FCN2: variants seen among roughly 807,000 people sequenced by gnomAD.
The protein encoded by FCN2 is ficolin 2, also known as ficolin-2.
A neutral mutation model predicts 32.5 loss-of-function variants in FCN2; 31 were observed. The ratio of observed to expected loss-of-function variants is 0.96; its 90% CI spans 0.72 to 1.29. FCN2 has a LOEUF of 1.29. Among genes scored for constraint, FCN2 ranks in the 50% most tolerant of loss-of-function variants. The pLI is 0.00. For missense variants in FCN2, 412 were observed against 406.5 expected (o/e 1.01, Z -0.12); for synonymous variants, 181 against 164.5 (o/e 1.10, Z -0.77).
At chr9:134,866,084 A>G in the FCN2 span, among the ~76,000 whole-genome samples, 7 of 151,282 alleles carry the variant, frequency 4.6e-5, no homozygotes, top group Middle Eastern at 3.5e-3. Context: ...TACAGATTCA[A>G]TGCCATCCCC....
upstream of FCN2, among the ~76,000 whole-genome samples, chr9:134,878,331 C>T (rs79413243): frequency 5.9e-5 from 9 of 152,264 alleles, no homozygotes; most frequent in East Asian, 3.9e-4. Context: ...ATGTGCCTTG[C>T]GGGAACTTCT....
chr9:134,872,383 A>G, the FCN2 span, among the ~76,000 whole-genome samples: 2 of 152,226 alleles, frequency 1.3e-5, no homozygotes, highest in Non-Finnish European at 2.9e-5. Flanking sequence ...CCAGGCTGCT[A>G]TGAATCTCTG....
rs373206026 is a variant in FCN2, at chr9:134,882,539, G to A, written c.114G>A (p.Val38=). 6.2e-7 allele frequency: 1 copy of A among 1,614,138 alleles called. No individual in the cohort carries two copies. The highest frequency in any genetic ancestry group is 2.2e-5 in the East Asian group (1 of 44,876). The part of the protein sequence containing the change: ...AADTCPEVKM[V]GLEGSDKLTI... ...GTTTTTCTGCAGAGGTGAAGATGGT[G>A]GGCCTGGAGGGCTCTGACAAGCTCA... is the stretch of plus-strand genomic sequence containing the variant. The change falls in exon 2 of 8, where the codon GTG becomes GTA. Residue 38 remains valine (V), a synonymous_variant. Coordinates refer to ENST00000291744, the MANE Select transcript of FCN2 (RefSeq NM_004108.3).
At chr9:134,869,111 C>T in the FCN2 span, among the ~76,000 whole-genome samples, 15 of 152,202 alleles carry the variant, frequency 9.9e-5, no homozygotes, top group African/African-American at 2.2e-4. Flanking sequence ...CACCTGACCC[C>T]GGCCGCCTGG....
chr9:134,868,319 G>A, the FCN2 span: 2 of 154,080 alleles, frequency 1.3e-5, no homozygotes, highest in Non-Finnish European at 2.9e-5. The surrounding 1 kb of genome is among the most constrained non-coding windows in gnomAD (Gnocchi z 4.3). Context: ...TGCACTATCA[G>A]GGAGCCTGGT....
Position 134,887,186 on chromosome 9 carries a change from A to C in FCN2, c.713A>C (p.His238Pro). ...TGCACAGGAGATTCCCTGACGTTCC[A>C]CAACAACCAGTCCTTCTCCACCAAA... is the stretch of plus-strand genomic sequence containing the variant. ...EGSAGDSLTFHNNQSFSTKDQ... is the reference protein window; with the variant it reads ...EGSAGDSLTFPNNQSFSTKDQ... Residue 238 changes from histidine (H) to proline (P), a missense_variant, in exon 8 of 8, where the codon CAC becomes CCC. Physicochemically the swap from His to Pro is moderately conservative, Grantham distance 77. Transcript: ENST00000291744. 6.2e-7 allele frequency: 1 copy of C among 1,614,164 alleles called. No individual in the cohort carries two copies. The highest frequency in any genetic ancestry group is 8.5e-7 in the Non-Finnish European group (1 of 1,180,000).
At chr9:134,886,004 T>C (rs1266442712) in intron 6 of FCN2, 107 bp downstream of exon 6, 2 of 1,214,268 alleles carry the variant, frequency 1.6e-6, no homozygotes, top group East Asian at 2.4e-5. Flanking sequence ...CCACAGGGGA[T>C]TGGGCCCTGA....
chr9:134,878,453 A>G (rs905408120), upstream of FCN2, among the ~76,000 whole-genome samples: 35 of 152,200 alleles, frequency 2.3e-4, no homozygotes, highest in African/African-American at 8.2e-4. Flanking sequence ...TTTGTGTGTT[A>G]TCATCTGTGG....
chr9:134,871,862 G>A, the FCN2 span, among the ~76,000 whole-genome samples: 8 of 152,296 alleles, frequency 5.3e-5, no homozygotes, highest in South Asian at 4.1e-4. Flanking sequence ...GGATGCACCC[G>A]TGAAACCAGC....
intron 5 of FCN2, 63 bp downstream of exon 5, chr9:134,885,429 G>A: frequency 1.3e-6 from 2 of 1,593,826 alleles, no homozygotes; most frequent in Admixed American, 1.7e-5. Flanking sequence ...CTGCACACCT[G>A]GTGGGAGAAC....
At position 134,882,385 on chromosome 9, in the gene FCN2, G is replaced by C. The variant is rs939833003; in HGVS notation, c.101-141G>C. The C allele has an allele frequency of 5.5e-6, 4 of 726,738 alleles. No homozygotes were observed. The African/African-American group carries it at 6.9e-5, about 13-fold the overall frequency. 45.0% of individuals were successfully genotyped at this position (726,738 alleles called of 1,614,324 possible). A position where few individuals can be genotyped will look rare whatever the true frequency, so the allele number is the denominator to read the frequency against. ...CTTCCAGGTGACCCTCCAGCTGAGG[G>C]AGGTGGCTGTGGCTATAGCCATCTG... On this transcript the variant is annotated intron_variant, in intron 1 of 7. Transcript: ENST00000291744.
upstream of FCN2, among the ~76,000 whole-genome samples, chr9:134,880,469 C>T (rs1830646367): frequency 6.6e-6 from 1 of 152,210 alleles, no homozygotes; most frequent in African/African-American, 2.4e-5. Flanking sequence ...TGAAGCAGAA[C>T]ATCTTTAGCA....
the FCN2 span, among the ~76,000 whole-genome samples, chr9:134,869,743 C>G: frequency 2.0e-5 from 3 of 152,236 alleles, no homozygotes; most frequent in African/African-American, 7.2e-5. Flanking sequence ...TAGCAGAGGC[C>G]TCCGAGGGGC....
chr9:134,881,009 C>T (rs1258696513), intron 1 of FCN2, 88 bp downstream of exon 1: 4 of 930,624 alleles, frequency 4.3e-6, no homozygotes, highest in Non-Finnish European at 6.9e-6. Flanking sequence ...GCTTCCAGGC[C>T]TTGCACCAGG....
At chr9:134,885,695 T>G (rs1463051161) in intron 5 of FCN2, 73 bp from the exon 6 acceptor site, 1 of 1,605,682 alleles carries the variant, frequency 6.2e-7, no homozygotes, top group Non-Finnish European at 8.5e-7. Context: ...GCTGCTCCTC[T>G]GGAGGGCGGG....
At chr9:134,870,697 G>C in the FCN2 span, among the ~76,000 whole-genome samples, 15 of 152,288 alleles carry the variant, frequency 9.8e-5, no homozygotes, top group East Asian at 2.9e-3. This position sits in a 1 kb window ranked among gnomAD's most constrained non-coding sequence, Gnocchi z 4.3. Flanking sequence ...TGAAGGAAGG[G>C]GGACACGGAG....
upstream of FCN2, among the ~76,000 whole-genome samples, chr9:134,876,344 G>A (rs1217403680): frequency 1.3e-5 from 2 of 152,160 alleles, no homozygotes; most frequent in African/African-American, 2.4e-5. Context: ...GGGAAGAATT[G>A]CTATTATTTC....
chr9:134,883,315 C>T lies in FCN2; in HGVS notation c.228C>T (p.Pro76=). The T allele has an allele frequency of 1.2e-6, 2 of 1,613,580 alleles. No homozygotes were observed. Among genetic ancestry groups the T allele is most frequent in the Non-Finnish European group, 1.7e-6 (2 of 1,179,564 alleles). The change falls in exon 3 of 8, where the codon CCC becomes CCT. Residue 76 remains proline (P), a synonymous_variant. Coordinates refer to ENST00000291744, the MANE Select transcript of FCN2 (RefSeq NM_004108.3). Reference sequence around the variant, plus strand: ...TGGAAATTGCAGGAGAACGTGGCCCCCCTGGACCTCCTGGGAAGGCAGGAC... The same window carrying T: ...TGGAAATTGCAGGAGAACGTGGCCCTCCTGGACCTCCTGGGAAGGCAGGAC... ...GTNGKRGERG[P]PGPPGKAGPP...
the FCN2 span, among the ~76,000 whole-genome samples, chr9:134,875,036 G>T: frequency 5.9e-5 from 9 of 152,118 alleles, no homozygotes; most frequent in Admixed American, 1.3e-4. Context: ...ATATATTGAA[G>T]TTATATACTA....
Sources: allele counts gnomAD v4.1 joint callset (sites outside exome capture counted in the v4.1 genomes callset), GRCh38; gene constraint gnomAD v4.1.1; non-coding constraint Gnocchi (gnomAD v3.1); transcripts MANE v1.5; gene names NCBI Gene and HGNC (gene_info 2026-07-23, HGNC 2026-07-21).